Variants in ZCCHC24 observed in about 807,000 individuals in gnomAD.
ZCCHC24 encodes the protein zinc finger CCHC domain-containing protein 24.
Under a neutral mutation model 26.2 loss-of-function variants are expected in ZCCHC24, and 10 were observed. The observed-to-expected ratio is 0.38, with a 90% CI of 0.24 to 0.65. The LOEUF is 0.65. ZCCHC24 is among the 30% of genes least tolerant of loss of function. ZCCHC24 has a pLI of 0.54. For missense variants in ZCCHC24, 243 were observed against 329.1 expected (o/e 0.74, Z 2.03); for synonymous variants, 144 against 147.1 (o/e 0.98, Z 0.15).
Position 79,445,381 on chromosome 10 carries a change from C to A in ZCCHC24, c.60G>T (p.Leu20=). The change falls in exon 1 of 4, where the codon CTG becomes CTT. Residue 20 remains leucine (L), a synonymous_variant. Coordinates refer to ENST00000372336, the MANE Select transcript of ZCCHC24 (RefSeq NM_153367.4). ...GCAGCGACAGGTAGACCCAGTTGAG[C>A]AGCTGGGCGGGCTGGTACACCGAGG... The part of the protein sequence containing the change: ...SAASVYQPAQ[L]LNWVYLSLQD... The A allele has an allele frequency of 1.3e-6, 2 of 1,527,434 alleles. No individual in the cohort carries two copies. The highest frequency in any genetic ancestry group is 2.7e-5 in the East Asian group (1 of 36,682). The allele number at this position is 1,527,434 out of a possible 1,614,324, so 94.6% of individuals were successfully genotyped here.
intron 2 of ZCCHC24, among the ~76,000 whole-genome samples, chr10:79,424,838 G>A (rs1399274521): frequency 6.6e-6 from 1 of 152,170 alleles, no homozygotes; most frequent in Non-Finnish European, 1.5e-5. Flanking sequence ...CGCTTGCTTG[G>A]AAGCCTTCCC....
In ZCCHC24 at chr10:79,386,223, G is replaced by A. The variant is rs533492973; in HGVS notation, c.*122C>T. 1.1e-4 allele frequency: 95 copies of A among 849,892 alleles called. No homozygotes were observed. In the African/African-American group the frequency reaches 1.5e-3, roughly 14 times the overall value. 52.6% of individuals were successfully genotyped at this position (849,892 alleles called of 1,614,324 possible). ...AAGGACGCTAAGAGCCCCCGGCCCA[G>A]CCCCGCAGGCCTGCGAGGGCACCCC... On this transcript the variant is annotated 3_prime_UTR_variant, in exon 4 of 4. Transcript: ENST00000372336.
Position 79,394,357 on chromosome 10 carries a change from T to C in ZCCHC24, c.531A>G (p.Arg177=), listed in dbSNP as rs780259942. 2 of 1,614,244 alleles carry C rather than the reference T, an allele frequency of 1.2e-6. No individual in the cohort carries two copies. The highest frequency in any genetic ancestry group is 1.7e-5 in the Admixed American group (1 of 60,036). The part of the protein sequence containing the change: ...FGEYKCPKCK[R]KWMSGNSWAN... The stretch of plus-strand genomic sequence containing the variant: ...CCCAGGAGTTCCCGCTCATCCATTT[T>C]CTCTTGCACTTGGGACACTTGTACT... Residue 177 remains arginine, a synonymous_variant, in exon 3 of 4, where the codon AGA becomes AGG. Coordinates refer to ENST00000372336, the MANE Select transcript of ZCCHC24 (RefSeq NM_153367.4).
chr10:79,418,188 T>C (rs1318392185), intron 2 of ZCCHC24, among the ~76,000 whole-genome samples: 1 of 152,184 alleles, frequency 6.6e-6, no homozygotes, highest in Non-Finnish European at 1.5e-5. Flanking sequence ...CGCTGGGCAG[T>C]GGAGCAAATG....
intron 2 of ZCCHC24, among the ~76,000 whole-genome samples, chr10:79,428,447 G>GATAA (rs750374781): frequency 2.0e-5 from 1 of 51,268 alleles, no homozygotes; most frequent in Non-Finnish European, 4.0e-5. Flanking sequence ...AGTTTTGCAA[G>GATAA]ATAAATTTCA....
intron 3 of ZCCHC24, among the ~76,000 whole-genome samples, chr10:79,392,958 C>T (rs1856499370): frequency 6.6e-6 from 1 of 152,216 alleles, no homozygotes; most frequent in African/African-American, 2.4e-5. Context: ...GACATTTGAG[C>T]ACCAACCACC....
chr10:79,406,329 C>G (rs1856712484), intron 2 of ZCCHC24, among the ~76,000 whole-genome samples: 1 of 152,154 alleles, frequency 6.6e-6, no homozygotes. Flanking sequence ...CAAAGGACAC[C>G]TGTGGCACCT....
chr10:79,387,894 T>C (rs1204004133), intron 3 of ZCCHC24, among the ~76,000 whole-genome samples: 1 of 152,046 alleles, frequency 6.6e-6, no homozygotes, highest in East Asian at 1.9e-4. Context: ...CCAGGGGTCA[T>C]AAAACCCATC....
intron 2 of ZCCHC24, among the ~76,000 whole-genome samples, chr10:79,399,807 G>A (rs1255890560): frequency 6.6e-6 from 1 of 152,250 alleles, no homozygotes; most frequent in Non-Finnish European, 1.5e-5. Context: ...CGGAAGAGAT[G>A]TGGAGGAGGC....
At chr10:79,435,595 TC>T (rs1004119575) in intron 1 of ZCCHC24, among the ~76,000 whole-genome samples, 1 of 152,038 alleles carries the variant, frequency 6.6e-6, no homozygotes, top group African/African-American at 2.4e-5. Flanking sequence ...TTAGGGCCCA[TC>T]CCCCAGCCCT....
chr10:79,389,626 A>AT (rs1371764156), intron 3 of ZCCHC24, among the ~76,000 whole-genome samples: 1 of 147,184 alleles, frequency 6.8e-6, no homozygotes, highest in Non-Finnish European at 1.5e-5. Flanking sequence ...ATTTATTTTT[A>AT]TTTTTTCAGA....
intron 2 of ZCCHC24, among the ~76,000 whole-genome samples, chr10:79,429,010 C>A (rs148080663): frequency 6.6e-6 from 1 of 152,202 alleles, no homozygotes; most frequent in Non-Finnish European, 1.5e-5. Context: ...CAAAAGAAAG[C>A]CCGGGCGCAG....
intron 1 of ZCCHC24, among the ~76,000 whole-genome samples, chr10:79,438,947 A>G (rs1287316102): frequency 6.6e-6 from 1 of 152,148 alleles, no homozygotes; most frequent in Non-Finnish European, 1.5e-5. Context: ...GCTAGAGCAT[A>G]TTTGTTGAAT....
At chr10:79,403,320 G>T in intron 2 of ZCCHC24, 1 of 902,442 alleles carries the variant, frequency 1.1e-6, no homozygotes, top group Non-Finnish European at 1.3e-6. Context: ...TGAGGCTCGA[G>T]ACAGGGGCAG....
intron 1 of ZCCHC24, among the ~76,000 whole-genome samples, chr10:79,434,429 G>A (rs1857186599): frequency 6.6e-6 from 1 of 152,198 alleles, no homozygotes; most frequent in South Asian, 2.1e-4. Flanking sequence ...GGGAGCCAAT[G>A]GGGGTCAACC....
At chr10:79,435,336 A>G (rs1489249471) in intron 1 of ZCCHC24, among the ~76,000 whole-genome samples, 1 of 152,030 alleles carries the variant, frequency 6.6e-6, no homozygotes, top group Non-Finnish European at 1.5e-5. Flanking sequence ...TGCACTAATT[A>G]CACCCTGAAA....
rs1419394910 is a variant in ZCCHC24, at chr10:79,400,124, A to G, written c.448-5684T>C. Among the ~76,000 whole-genome samples, 5 of 152,190 alleles carry G rather than the reference A, an allele frequency of 3.3e-5. No homozygotes were observed. In the East Asian group the frequency reaches 9.6e-4, roughly 29 times the overall value. ...CTGCTGGGGTGGGGGCTGAACAGGT[A>G]TATTTTCCTACTGTATTTCTATAGG... On this transcript the variant is annotated intron_variant, in intron 2 of 3. Transcript: ENST00000372336.
intron 2 of ZCCHC24, among the ~76,000 whole-genome samples, chr10:79,432,064 C>T (rs1857138123): frequency 6.6e-6 from 1 of 152,226 alleles, no homozygotes. Flanking sequence ...CCTGGGAGCA[C>T]AGAGTGTGGG....
chr10:79,443,804 A>G (rs1040820221), intron 1 of ZCCHC24, among the ~76,000 whole-genome samples: 3 of 152,238 alleles, frequency 2.0e-5, no homozygotes, highest in African/African-American at 7.2e-5. Context: ...ACAGTTTACA[A>G]AGAGCTTTGG....
Sources: allele counts gnomAD v4.1 joint callset (sites outside exome capture counted in the v4.1 genomes callset), GRCh38; gene constraint gnomAD v4.1.1; transcripts MANE v1.5; gene names NCBI Gene and HGNC (gene_info 2026-07-23, HGNC 2026-07-21).